Variants in OPCML observed in about 807,000 individuals in gnomAD.
OPCML encodes opioid binding protein/cell adhesion molecule like.
Under a neutral mutation model 37.8 loss-of-function variants are expected in OPCML, and 13 were observed. The ratio of observed to expected loss-of-function variants is 0.34; its 90% CI spans 0.22 to 0.55. The LOEUF (loss-of-function observed/expected upper bound fraction) is 0.55, where lower values mean the gene tolerates loss of function less well. OPCML is among the 20% of genes least tolerant of loss of function. The pLI is 0.91. For missense variants in OPCML, 341 were observed against 435.6 expected, an observed-to-expected ratio of 0.78 and a Z score of 1.93; for synonymous variants, 176 against 168.8, an observed-to-expected ratio of 1.04 and a Z score of -0.33.
chr11:133,511,659 C>T (rs551474682), intron 1 of OPCML, among the ~76,000 whole-genome samples: 5 of 152,098 alleles, frequency 3.3e-5, no homozygotes, highest in East Asian at 1.9e-4. Context: ...TTTGTAATTG[C>T]GACTCTCTTC....
At chr11:132,546,449 G>A (rs924860705) in intron 3 of OPCML, among the ~76,000 whole-genome samples, 3 of 152,024 alleles carry the variant, frequency 2.0e-5, no homozygotes, top group Admixed American at 6.6e-5. Flanking sequence ...CCTTTCCCCC[G>A]TGTCCCCAAA....
At chr11:133,126,220 A>C (rs373329228) in intron 1 of OPCML, among the ~76,000 whole-genome samples, 37 of 152,180 alleles carry the variant, frequency 2.4e-4, no homozygotes, top group African/African-American at 8.9e-4. Flanking sequence ...TGAAGGCCCA[A>C]GAATCAGGAG....
chr11:133,414,650 G>A (rs370592571), intron 1 of OPCML, among the ~76,000 whole-genome samples: 7 of 152,108 alleles, frequency 4.6e-5, no homozygotes, highest in African/African-American at 1.7e-4. Flanking sequence ...GCTTTGAGAC[G>A]AAGCCAGTTC....
intron 1 of OPCML, among the ~76,000 whole-genome samples, chr11:133,471,636 G>GT (rs1363262533): frequency 6.6e-6 from 1 of 152,006 alleles, no homozygotes; most frequent in Non-Finnish European, 1.5e-5. Context: ...AAAAACAAGA[G>GT]TAAAAAACCG....
At chr11:133,458,768 C>CGTGTGTGTATATACACAGATGCACGT (rs1946781748) in intron 1 of OPCML, among the ~76,000 whole-genome samples, 1 of 24,246 alleles carries the variant, frequency 4.1e-5, no homozygotes. Context: ...CATAGATGCA[C>CGTGTGTGTATATACACAGATGCACGT]GTGTGTGTAT....
At chr11:132,875,087 A>C (rs1942959268) in intron 2 of OPCML, among the ~76,000 whole-genome samples, 1 of 152,212 alleles carries the variant, frequency 6.6e-6, no homozygotes, top group African/African-American at 2.4e-5. Flanking sequence ...ATATCCAAAG[A>C]AAAGGGGATA....
At chr11:132,778,349 C>G (rs796095996) in intron 2 of OPCML, among the ~76,000 whole-genome samples, 1 of 152,196 alleles carries the variant, frequency 6.6e-6, no homozygotes, top group African/African-American at 2.4e-5. Context: ...TTTACACCTC[C>G]GTTTATTCAA....
intron 3 of OPCML, among the ~76,000 whole-genome samples, chr11:132,561,766 A>T (rs183081719): frequency 3.0e-4 from 46 of 152,332 alleles, no homozygotes; most frequent in Middle Eastern, 3.4e-3. Flanking sequence ...ATCACTTGTA[A>T]CTCAGTGGAC....
intron 3 of OPCML, among the ~76,000 whole-genome samples, chr11:132,625,025 C>T (rs1939653953): frequency 6.6e-6 from 1 of 152,126 alleles, no homozygotes; most frequent in African/African-American, 2.4e-5. Flanking sequence ...TTCAACACTT[C>T]CCTCTCTCTT....
chr11:133,270,312 T>A (rs558065219), intron 1 of OPCML, among the ~76,000 whole-genome samples: 3 of 152,220 alleles, frequency 2.0e-5, no homozygotes, highest in Non-Finnish European at 2.9e-5. Flanking sequence ...AAGCTTTAGC[T>A]AGATGGGAAA....
intron 1 of OPCML, among the ~76,000 whole-genome samples, chr11:133,275,299 A>G (rs1434487488): frequency 6.6e-6 from 1 of 152,170 alleles, no homozygotes; most frequent in Non-Finnish European, 1.5e-5. Flanking sequence ...TTTAAAAGAA[A>G]AGAAAGGGCA....
At chr11:132,629,135 ACTT>A (rs570017363) in intron 3 of OPCML, among the ~76,000 whole-genome samples, 35 of 151,608 alleles carry the variant, frequency 2.3e-4, no homozygotes, top group African/African-American at 5.6e-4. Context: ...CTTTCCTCTC[ACTT>A]CTTCTGCTTC....
intron 1 of OPCML, among the ~76,000 whole-genome samples, chr11:133,507,441 G>A (rs1432337554): frequency 6.6e-6 from 1 of 152,180 alleles, no homozygotes; most frequent in Non-Finnish European, 1.5e-5. Context: ...TTGTAGAGAG[G>A]AAATTGGGGC....
At chr11:133,366,131 G>A (rs960429625) in intron 1 of OPCML, 11 of 152,356 alleles carry the variant, frequency 7.2e-5, no homozygotes, top group African/African-American at 2.6e-4. Flanking sequence ...AATGGCCAGA[G>A]AAATATGTTA....
At chr11:132,706,675 C>T (rs567235045) in intron 2 of OPCML, among the ~76,000 whole-genome samples, 1 of 152,246 alleles carries the variant, frequency 6.6e-6, no homozygotes, top group South Asian at 2.1e-4. Context: ...CCCTAAGAGC[C>T]CCTATTTTAC....
chr11:132,465,035 T>C (rs1026475046), intron 4 of OPCML, among the ~76,000 whole-genome samples: 6 of 152,352 alleles, frequency 3.9e-5, no homozygotes, highest in African/African-American at 1.2e-4. Context: ...ATTTTTTAAC[T>C]TTTTCATGAA....
intron 3 of OPCML, among the ~76,000 whole-genome samples, chr11:132,635,974 G>A (rs547198065): frequency 2.6e-5 from 4 of 152,018 alleles, no homozygotes; most frequent in African/African-American, 9.7e-5. Flanking sequence ...ACTCCCCCCC[G>A]GATACAAGAT....
chr11:132,956,232 C>G (rs1945975526), intron 1 of OPCML, among the ~76,000 whole-genome samples: 1 of 152,144 alleles, frequency 6.6e-6, no homozygotes, highest in East Asian at 1.9e-4. Flanking sequence ...ATTTACATGG[C>G]AAGAAGTTAA....
At chr11:132,771,306 C>T (rs546089775) in intron 2 of OPCML, among the ~76,000 whole-genome samples, 5 of 152,240 alleles carry the variant, frequency 3.3e-5, no homozygotes, top group South Asian at 2.1e-4. Flanking sequence ...GTTTCTTGCA[C>T]GATGGGGATT....
Sources: allele counts gnomAD v4.1 joint callset (sites outside exome capture counted in the v4.1 genomes callset), GRCh38; gene constraint gnomAD v4.1.1; transcripts MANE v1.5; gene names NCBI Gene and HGNC (gene_info 2026-07-23, HGNC 2026-07-21).